ADD3: variants seen among roughly 807,000 people sequenced by gnomAD.
ADD3 encodes adducin 3.
Under a neutral mutation model 80.2 loss-of-function variants are expected in ADD3, and 25 were observed. The ratio of observed to expected loss-of-function variants is 0.31; its 90% CI spans 0.23 to 0.44. The LOEUF (loss-of-function observed/expected upper bound fraction) is 0.44. Among genes scored for constraint, ADD3 ranks in the 20% least tolerant of loss-of-function variants. The probability of loss-of-function intolerance (pLI) is 1.00; values close to 1 mark genes in which losing one functional copy is unlikely to be tolerated. For missense variants in ADD3, 829 were observed against 847.5 expected, an observed-to-expected ratio of 0.98 and a Z score of 0.27; for synonymous variants, 284 against 289.6, an observed-to-expected ratio of 0.98 and a Z score of 0.20.
At chr10:110,077,085 C>T (rs145485312) in intron 1 of ADD3, 45 of 152,308 alleles carry the variant, frequency 3.0e-4, no homozygotes, top group African/African-American at 1.0e-3. Context: ...ACACAAAAAC[C>T]AGCTTAAGAA....
intron 1 of ADD3, among the ~76,000 whole-genome samples, chr10:110,083,382 G>A (rs1413251036): frequency 6.6e-6 from 1 of 152,160 alleles, no homozygotes; most frequent in African/African-American, 2.4e-5. Flanking sequence ...CGGGCATAGT[G>A]GCTGGCGCCT....
At chr10:110,123,948 G>C in intron 9 of ADD3, 69 bp from the exon 10 acceptor site, 2 of 1,461,574 alleles carry the variant, frequency 1.4e-6, no homozygotes, top group Non-Finnish European at 1.9e-6. Flanking sequence ...GTATACAAAA[G>C]GAATTAGGAT....
chr10:110,053,575 G>A (rs1857774358), intron 1 of ADD3, among the ~76,000 whole-genome samples: 1 of 151,890 alleles, frequency 6.6e-6, no homozygotes, highest in Non-Finnish European at 1.5e-5. Context: ...TTATAAATTT[G>A]TTTTTATAGC....
rs1460557261 is a variant in ADD3, at chr10:110,131,267, A to G, written c.1732+781A>G. On this transcript the variant is annotated intron_variant, in intron 13 of 14. Transcript: ENST00000356080. Reference sequence around the variant, plus strand: ...ACTTGTTAATGAAAACATCTTAAACAATTGACTACTAGCTCCCTTTTTCTC... The same window carrying G: ...ACTTGTTAATGAAAACATCTTAAACGATTGACTACTAGCTCCCTTTTTCTC... 2.0e-5 allele frequency among the ~76,000 whole-genome samples: 3 copies of G among 152,358 alleles called. No homozygotes were observed. The East Asian group carries it at 5.8e-4, about 29-fold the overall frequency.
At chr10:110,063,736 AT>A (rs1491210694) in intron 1 of ADD3, among the ~76,000 whole-genome samples, 2 of 45,796 alleles carry the variant, frequency 4.4e-5, no homozygotes, top group African/African-American at 8.1e-5. Flanking sequence ...ATATATATTC[AT>A]TATATATATA....
chr10:110,088,667 A>G (rs940680419), intron 1 of ADD3, among the ~76,000 whole-genome samples: 1 of 152,254 alleles, frequency 6.6e-6, no homozygotes, highest in Non-Finnish European at 1.5e-5. Flanking sequence ...TTTATAAGTT[A>G]TGAAAGCCAA....
intron 1 of ADD3, among the ~76,000 whole-genome samples, chr10:110,054,654 C>G (rs1337974488): frequency 6.6e-6 from 1 of 150,808 alleles, no homozygotes; most frequent in African/African-American, 2.4e-5. Flanking sequence ...GCTCTGTCCC[C>G]CAGGCTGCAA....
At chr10:110,039,693 A>G (rs1415553965) in intron 1 of ADD3, among the ~76,000 whole-genome samples, 1 of 152,256 alleles carries the variant, frequency 6.6e-6, no homozygotes, top group Non-Finnish European at 1.5e-5. Flanking sequence ...GCAGGAATCC[A>G]AGAGCAGCTT....
intron 1 of ADD3, among the ~76,000 whole-genome samples, chr10:110,054,439 CTTTTTTTTTTT>C (rs36097209): frequency 1.2e-5 from 1 of 80,884 alleles, no homozygotes; most frequent in Non-Finnish European, 2.7e-5. Flanking sequence ...CCAGTTTTCT[CTTTTTTTTTTT>C]TTTTTTTTTG....
intron 1 of ADD3, among the ~76,000 whole-genome samples, chr10:110,086,150 G>A (rs938347928): frequency 1.3e-5 from 2 of 151,798 alleles, no homozygotes; most frequent in African/African-American, 4.8e-5. Flanking sequence ...AGTATCTCAC[G>A]CCTGTAATTC....
chr10:110,127,260 CT>C (rs1173259091), intron 12 of ADD3, among the ~76,000 whole-genome samples: 1 of 152,126 alleles, frequency 6.6e-6, no homozygotes, highest in Non-Finnish European at 1.5e-5. Context: ...CTCACCTTGC[CT>C]TTTTTTCATT....
chr10:110,034,103 G>A (rs1855364817), intron 1 of ADD3, among the ~76,000 whole-genome samples: 1 of 152,082 alleles, frequency 6.6e-6, no homozygotes, highest in African/African-American at 2.4e-5. Context: ...TGGAGCTCCT[G>A]TTTCTTAGAA....
chr10:110,077,955 T>C (rs927474736), intron 1 of ADD3, among the ~76,000 whole-genome samples: 3 of 152,224 alleles, frequency 2.0e-5, no homozygotes, highest in Admixed American at 6.5e-5. Context: ...GTGTACACTT[T>C]GGGTAGACAC....
chr10:110,064,379 C>CTTGATATTAAGTTTT, intron 1 of ADD3, among the ~76,000 whole-genome samples: 2 of 152,250 alleles, frequency 1.3e-5, no homozygotes, highest in Non-Finnish European at 2.9e-5. Context: ...GTTCCACATC[C>CTTGATATTAAGTTTT]TTGCCAGTAC....
intron 1 of ADD3, among the ~76,000 whole-genome samples, chr10:110,093,335 T>C (rs1176308310): frequency 6.6e-6 from 1 of 152,248 alleles, no homozygotes; most frequent in Non-Finnish European, 1.5e-5. Context: ...CTTATTTCAG[T>C]TGGTGTATTA....
chr10:110,037,107 C>T (rs1037671233), intron 1 of ADD3, among the ~76,000 whole-genome samples: 3 of 152,144 alleles, frequency 2.0e-5, no homozygotes, highest in African/African-American at 7.2e-5. Flanking sequence ...TGACCATAGA[C>T]CTCAGAGGTT....
intron 1 of ADD3, among the ~76,000 whole-genome samples, chr10:110,014,779 G>A (rs975185683): frequency 2.0e-5 from 3 of 151,820 alleles, no homozygotes; most frequent in Admixed American, 1.3e-4. Context: ...CACCCGCCTC[G>A]GCCTCCCAAA....
chr10:110,011,239 T>G (rs1433084577), intron 1 of ADD3, among the ~76,000 whole-genome samples: 1 of 152,198 alleles, frequency 6.6e-6, no homozygotes, highest in Non-Finnish European at 1.5e-5. Context: ...AAATTTTAAC[T>G]TAAGTTTGTT....
At chr10:110,066,210 C>T (rs940041133) in intron 1 of ADD3, among the ~76,000 whole-genome samples, 1 of 152,072 alleles carries the variant, frequency 6.6e-6, no homozygotes, top group African/African-American at 2.4e-5. Context: ...TTCCATTCAG[C>T]GTTCTGGAAA....
Sources: gnomAD v4.1 joint callset for allele counts (sites outside exome capture counted in the v4.1 genomes callset) on GRCh38, gnomAD v4.1.1 for gene constraint, MANE v1.5 for transcripts, NCBI Gene and HGNC (gene_info 2026-07-23, HGNC 2026-07-21) for gene names.